Variants in ACBD7 observed in about 807,000 individuals in gnomAD.
ACBD7 encodes acyl-CoA binding domain containing 7.
In ACBD7, 11 loss-of-function variants were observed where a neutral mutation model predicts 13.7. The observed-to-expected ratio is 0.80, with a 90% confidence interval of 0.50 to 1.33. The LOEUF is 1.33. Ranked by LOEUF, ACBD7 falls within the 40% of genes most tolerant of loss-of-function variation. The probability of loss-of-function intolerance (pLI) is 0.00; values close to 1 mark genes in which losing one functional copy is unlikely to be tolerated. For synonymous variants in ACBD7, 43 were observed against 37.7 expected, an observed-to-expected ratio of 1.14 and a Z score of -0.51; for missense variants, 111 against 103.0, an observed-to-expected ratio of 1.08 and a Z score of -0.33.
At chr10:15,088,455 G>C (rs576041752) in intron 1 of ACBD7, 5 of 531,464 alleles carry the variant, frequency 9.4e-6, no homozygotes, top group African/African-American at 2.0e-5. Context: ...GGCCCGCTCC[G>C]TGCTCCCCGG....
rs764623952 is a variant in ACBD7, at chr10:15,078,960, C to T, written c.93G>A (p.Gly31=). The change falls in exon 2 of 4, where the codon GGG becomes GGA. Residue 31 remains glycine, a synonymous_variant. Coordinates refer to ENST00000356189, the MANE Select transcript of ACBD7 (RefSeq NM_001039844.3). ...CTCCAACTATTGCTTGTTTGTAAAG[C>T]CCATAGAGTTCTTTCAGTTCTCCAT... ...PDDGELKELY[G]LYKQAIVGDI... 6.2e-7 allele frequency: 1 copy of T among 1,604,216 alleles called. No homozygotes were observed. The highest frequency in any genetic ancestry group is 1.1e-5 in the South Asian group (1 of 89,616).
intron 1 of ACBD7, among the ~76,000 whole-genome samples, chr10:15,086,562 A>G (rs1248848930): frequency 6.6e-6 from 1 of 152,218 alleles, no homozygotes; most frequent in Admixed American, 6.5e-5. Flanking sequence ...AGAGTTCAGT[A>G]TAAACACATA....
intron 1 of ACBD7, among the ~76,000 whole-genome samples, chr10:15,081,128 A>G (rs1844744262): frequency 6.6e-6 from 1 of 152,184 alleles, no homozygotes; most frequent in Non-Finnish European, 1.5e-5. Context: ...CTAATGGCTA[A>G]ACAGGCAGGC....
intron 1 of ACBD7, among the ~76,000 whole-genome samples, chr10:15,085,827 A>G (rs1844802112): frequency 6.6e-6 from 1 of 152,114 alleles, no homozygotes; most frequent in Non-Finnish European, 1.5e-5. Flanking sequence ...ACAGTCTGCC[A>G]GTATACTTAT....
At chr10:15,082,439 T>C (rs1225009414) in intron 1 of ACBD7, among the ~76,000 whole-genome samples, 1 of 152,216 alleles carries the variant, frequency 6.6e-6, no homozygotes, top group East Asian at 1.9e-4. Context: ...ACTAAAGATA[T>C]GTAAACAGTA....
At chr10:15,084,867 A>C (rs536744405) in intron 1 of ACBD7, among the ~76,000 whole-genome samples, 1 of 152,196 alleles carries the variant, frequency 6.6e-6, no homozygotes, top group Admixed American at 6.5e-5. Flanking sequence ...TGCCACACAG[A>C]AAGTGGGGAG....
intron 1 of ACBD7, among the ~76,000 whole-genome samples, chr10:15,084,018 C>G (rs769643032): frequency 6.6e-6 from 1 of 152,156 alleles, no homozygotes. Flanking sequence ...AGCAGTTGCT[C>G]TGGGAACACA....
At position 15,082,900 on chromosome 10, in the gene ACBD7, C is replaced by T. The variant is rs12259711; in HGVS notation, c.13-3860G>A. Among the ~76,000 whole-genome samples the T allele has an allele frequency of 9.2e-3, 1,404 of 151,912 alleles. 32 individuals carry two copies. Among genetic ancestry groups the T allele is most frequent in the African/African-American group, 0.032 (1,317 of 41,406 alleles). On this transcript the variant is annotated intron_variant, in intron 1 of 3. Coordinates refer to ENST00000356189, the MANE Select transcript of ACBD7 (RefSeq NM_001039844.3). Reference sequence around the variant, plus strand: ...AAAAATACAAAAAATTAGCTGGGCACGGTGCCTCACACCTGTGATCCCAGC... The same window carrying T: ...AAAAATACAAAAAATTAGCTGGGCATGGTGCCTCACACCTGTGATCCCAGC...
Position 15,088,721 on chromosome 10 carries a change from A to G in ACBD7, c.8T>C (p.Leu3Pro). ...GCCTCCCCGCGCCCCGGGTACCTGC[A>G]GGGCCATGGTGGCGGCTGCCGCGTT... The part of the protein sequence containing the change: MA[L>P]QADFDRAAED... Residue 3 changes from leucine (L) to proline (P), a missense_variant, in exon 1 of 4, where the codon CTG (leucine) becomes CCG (proline). Coordinates refer to ENST00000356189, the MANE Select transcript of ACBD7 (RefSeq NM_001039844.3). 1 of 1,598,692 alleles carries G rather than the reference A, an allele frequency of 6.3e-7. No individual in the cohort carries two copies. Among genetic ancestry groups the G allele is most frequent in the Non-Finnish European group, 8.5e-7 (1 of 1,175,732 alleles).
rs2131392024 is a variant in ACBD7, at chr10:15,078,372, A to C, written c.*158T>G. The C allele has an allele frequency of 2.0e-6, 3 of 1,493,886 alleles. No individual in the cohort carries two copies. The highest frequency in any genetic ancestry group is 2.4e-5 in the Admixed American group (1 of 41,968). 92.5% of individuals were successfully genotyped at this position (1,493,886 alleles called of 1,614,324 possible). On this transcript the variant is annotated 3_prime_UTR_variant, in exon 4 of 4. Transcript: ENST00000356189. Reference sequence around the variant, plus strand: ...TGGTTTAAGCAAGTACAATTGAGTTAACTATGTAGTTTCAGTATACTTCTA... The same window carrying C: ...TGGTTTAAGCAAGTACAATTGAGTTCACTATGTAGTTTCAGTATACTTCTA...
intron 1 of ACBD7, 39 bp from the exon 2 acceptor site, chr10:15,079,079 T>C: frequency 7.0e-7 from 1 of 1,432,416 alleles, no homozygotes; most frequent in Non-Finnish European, 9.7e-7. Context: ...AGGAGCATTT[T>C]ACCACCAAGG....
intron 1 of ACBD7, among the ~76,000 whole-genome samples, chr10:15,084,158 A>G (rs906199892): frequency 6.6e-6 from 1 of 152,234 alleles, no homozygotes; most frequent in African/African-American, 2.4e-5. Flanking sequence ...AGAACTTACT[A>G]GAGCTCAACA....
chr10:15,080,711 G>C (rs1284677332), intron 1 of ACBD7, among the ~76,000 whole-genome samples: 2 of 152,202 alleles, frequency 1.3e-5, no homozygotes, highest in African/African-American at 2.4e-5. Context: ...GGCTGAAATA[G>C]ACAAGGAAGT....
At position 15,077,386 on chromosome 10, in the gene ACBD7, TACC is replaced by T. The variant is rs1033079375; in HGVS notation, c.*1141_*1143del. 1.3e-5 allele frequency: 2 copies of T among 151,198 alleles called. No homozygotes were observed. Among genetic ancestry groups the T allele is most frequent in the Non-Finnish European group, 2.9e-5 (2 of 67,858 alleles). 9.4% of individuals were successfully genotyped at this position (151,198 alleles called of 1,614,324 possible). A position where few individuals can be genotyped will look rare whatever the true frequency, so the allele number is the denominator to read the frequency against. ...AAGAACCCTCAGAAACAAAAAAAAA[TACC>T]ACATGTTTTCACTTATAAGTGGGAG... On this transcript the variant is annotated 3_prime_UTR_variant, in exon 4 of 4. Coordinates refer to ENST00000356189, the MANE Select transcript of ACBD7 (RefSeq NM_001039844.3).
intron 1 of ACBD7, among the ~76,000 whole-genome samples, chr10:15,087,461 G>C (rs977088328): frequency 2.0e-5 from 3 of 152,176 alleles, no homozygotes; most frequent in Admixed American, 2.0e-4. Flanking sequence ...CACGTTCTAT[G>C]AAATTTTGTG....
chr10:15,087,137 G>A (rs1844819080), intron 1 of ACBD7, among the ~76,000 whole-genome samples: 1 of 152,240 alleles, frequency 6.6e-6, no homozygotes, highest in South Asian at 2.1e-4. Context: ...CTGAGATCAT[G>A]CCATTGCACT....
At chr10:15,088,271 A>G (rs1844832185) in intron 1 of ACBD7, 1 of 171,944 alleles carries the variant, frequency 5.8e-6, no homozygotes, top group Non-Finnish European at 1.2e-5. Flanking sequence ...TGTCTTTTCC[A>G]AAGTTTTCCA....
At chr10:15,084,324 C>T (rs6602806) in intron 1 of ACBD7, among the ~76,000 whole-genome samples, 80,092 of 152,034 alleles carry the variant, frequency 0.53, 23,327 homozygotes, top group African/African-American at 0.79. Flanking sequence ...GGATGGTTAA[C>T]GAGCGAGCAG....
At chr10:15,083,973 C>A (rs556454447) in intron 1 of ACBD7, among the ~76,000 whole-genome samples, 4 of 152,324 alleles carry the variant, frequency 2.6e-5, no homozygotes, top group African/African-American at 9.6e-5. Context: ...AACAGGGCAA[C>A]GGTGACCACA....
Sources: gnomAD v4.1 joint callset for allele counts (sites outside exome capture counted in the v4.1 genomes callset) on GRCh38, gnomAD v4.1.1 for gene constraint, MANE v1.5 for transcripts, NCBI Gene and HGNC (gene_info 2026-07-23, HGNC 2026-07-21) for gene names.